RAD52: variants seen among roughly 807,000 people sequenced by gnomAD.
RAD52 encodes the protein RAD52 DNA repair protein, also known as DNA repair protein RAD52 homolog.
Under a neutral mutation model 55.5 loss-of-function variants are expected in RAD52, and 47 were observed. That is an observed-to-expected ratio of 0.85 (90% CI 0.67 to 1.08). The LOEUF is 1.08. Ranked by LOEUF, RAD52 falls within the 50% of genes least tolerant of loss-of-function variation. The probability of loss-of-function intolerance (pLI) is 0.00; values close to 1 mark genes in which losing one functional copy is unlikely to be tolerated. For missense variants in RAD52, 468 were observed against 522.8 expected (o/e 0.90, Z 1.02); for synonymous variants, 184 against 198.9 (o/e 0.92, Z 0.63).
chr12:927,120 G>A (rs766957708), intron 6 of RAD52, 25 bp downstream of exon 6: 5 of 1,598,926 alleles, frequency 3.1e-6, no homozygotes, highest in Admixed American at 3.3e-5. Context: ...AATGACGCAG[G>A]TTAGACTCCC....
At chr12:941,974 A>G (rs1957945399) in intron 1 of RAD52, among the ~76,000 whole-genome samples, 1 of 152,136 alleles carries the variant, frequency 6.6e-6, no homozygotes, top group South Asian at 2.1e-4. Context: ...AAGAAGGAAA[A>G]TGCACCAAGT....
At chr12:922,832 TTTATTA>T (rs1565657033) in intron 7 of RAD52, among the ~76,000 whole-genome samples, 1 of 151,882 alleles carries the variant, frequency 6.6e-6, no homozygotes, top group Non-Finnish European at 1.5e-5. Flanking sequence ...ATTTTTATAT[TTTATTA>T]TTATTATTTT....
chr12:926,575 C>G lies in RAD52; in HGVS notation c.467+570G>C, dbSNP rs1394971867. Among the ~76,000 whole-genome samples, 6 of 152,274 alleles carry G rather than the reference C, an allele frequency of 3.9e-5. No homozygotes were observed. The East Asian group carries it at 1.2e-3, about 29-fold the overall frequency. Reference sequence around the variant, plus strand: ...CTTCCTTCTCTCTCTTGCTCCCTCTCTCTCCACGTTCCCTCTTCACCTTCT... The same window carrying G: ...CTTCCTTCTCTCTCTTGCTCCCTCTGTCTCCACGTTCCCTCTTCACCTTCT... On this transcript the variant is annotated intron_variant, in intron 6 of 11. Coordinates refer to ENST00000358495, the MANE Select transcript of RAD52 (RefSeq NM_134424.4).
chr12:985,182 C>A (rs550996081), intron 1 of RAD52, among the ~76,000 whole-genome samples: 2 of 152,260 alleles, frequency 1.3e-5, no homozygotes, highest in African/African-American at 4.8e-5. Flanking sequence ...GGTCTGTCAC[C>A]TAGGCTAAAG....
At chr12:916,215 G>T in intron 9 of RAD52, 129 bp downstream of exon 9, 1 of 1,481,806 alleles carries the variant, frequency 6.7e-7, no homozygotes, top group South Asian at 1.4e-5. Context: ...CCTGCGTGTA[G>T]CTTGAGAGAA....
intron 1 of RAD52, among the ~76,000 whole-genome samples, chr12:936,430 T>C (rs1957633750): frequency 6.6e-6 from 1 of 150,956 alleles, no homozygotes; most frequent in Admixed American, 6.6e-5. Context: ...AAAGATGTCT[T>C]ACTATTCTGC....
chr12:966,683 A>G (rs528644078), intron 1 of RAD52, among the ~76,000 whole-genome samples: 1 of 151,638 alleles, frequency 6.6e-6, no homozygotes, highest in African/African-American at 2.4e-5. Flanking sequence ...ATGATTATGG[A>G]GCACTTACAA....
intron 5 of RAD52, 125 bp from the exon 6 acceptor site, chr12:927,388 C>T (rs942420556): frequency 2.1e-5 from 15 of 723,558 alleles, no homozygotes; most frequent in African/African-American, 5.2e-5. Flanking sequence ...TACAGGGGCA[C>T]GGGCAGAAGG....
At chr12:953,129 AC>A (rs1958558422), upstream of RAD52, among the ~76,000 whole-genome samples, 1 of 148,992 alleles carries the variant, frequency 6.7e-6, no homozygotes, top group African/African-American at 2.5e-5. Flanking sequence ...GCATGTTGAA[AC>A]CCCGTCTTTA....
chr12:944,171 A>T (rs953564868), intron 1 of RAD52, among the ~76,000 whole-genome samples: 2 of 151,922 alleles, frequency 1.3e-5, no homozygotes, highest in African/African-American at 4.8e-5. Flanking sequence ...AGAAGAGATC[A>T]CCCCACTGCA....
intron 7 of RAD52, among the ~76,000 whole-genome samples, chr12:925,111 C>G (rs200103636): frequency 6.6e-6 from 1 of 151,942 alleles, no homozygotes; most frequent in Non-Finnish European, 1.5e-5. Flanking sequence ...CCACCTCGCC[C>G]GGCTAATTTT....
chr12:954,777 T>G (rs146578654), intron 1 of RAD52, among the ~76,000 whole-genome samples: 55 of 152,374 alleles, frequency 3.6e-4, no homozygotes, highest in Non-Finnish European at 3.7e-4. Flanking sequence ...AAATTAAGCC[T>G]TGATAGAGTA....
At chr12:967,318 G>A (rs1178426861) in intron 1 of RAD52, among the ~76,000 whole-genome samples, 3 of 150,510 alleles carry the variant, frequency 2.0e-5, no homozygotes, top group Non-Finnish European at 4.4e-5. Flanking sequence ...GACGGAGGTT[G>A]TAGTGAGCTG....
In RAD52 at chr12:967,884, C is replaced by T. The variant is rs193197396; in HGVS notation, c.-19+21925G>A. Among the ~76,000 whole-genome samples the T allele has an allele frequency of 4.8e-3, 734 of 152,106 alleles. 15 individuals are homozygous for T. Among genetic ancestry groups the T allele is most frequent in the African/African-American group, 0.017 (696 of 41,414 alleles). Reference sequence around the variant, plus strand: ...CCAGGAGGGGGAGGTTGCAGTGAGCCGAGATCGCACCTCTGCTCTCCAGCC... The same window carrying T: ...CCAGGAGGGGGAGGTTGCAGTGAGCTGAGATCGCACCTCTGCTCTCCAGCC... On this transcript the variant is annotated intron_variant, in intron 1 of 11. Transcript: ENST00000430095.
At chr12:925,011 T>C (rs944946329) in intron 7 of RAD52, among the ~76,000 whole-genome samples, 9 of 147,784 alleles carry the variant, frequency 6.1e-5, no homozygotes, top group Non-Finnish European at 8.9e-5. Context: ...AGTGCAGTGG[T>C]GCCATCTCGG....
At chr12:943,723 G>C (rs1958039907) in intron 1 of RAD52, among the ~76,000 whole-genome samples, 1 of 151,254 alleles carries the variant, frequency 6.6e-6, no homozygotes, top group Admixed American at 6.6e-5. Context: ...CATTTTCTTA[G>C]AGTAGTCTGT....
At chr12:988,205 A>G (rs1959112035) in intron 1 of RAD52, among the ~76,000 whole-genome samples, 1 of 152,196 alleles carries the variant, frequency 6.6e-6, no homozygotes, top group Non-Finnish European at 1.5e-5. Context: ...ATTTTCTTTA[A>G]AAGTTCAGTG....
intron 1 of RAD52, among the ~76,000 whole-genome samples, chr12:978,289 G>A (rs112335425): frequency 1.3e-5 from 2 of 151,676 alleles, no homozygotes; most frequent in East Asian, 1.9e-4. Context: ...TCCTGACCTC[G>A]TGATCTGCCC....
chr12:975,205 A>AGC (rs1555183303), intron 1 of RAD52: 2 of 147,652 alleles, frequency 1.4e-5, no homozygotes, highest in South Asian at 2.2e-4. Flanking sequence ...ATCCACTGGG[A>AGC]GGGGGGTCCT....
Sources: allele counts gnomAD v4.1 joint callset (sites outside exome capture counted in the v4.1 genomes callset), GRCh38; gene constraint gnomAD v4.1.1; transcripts MANE v1.5; gene names NCBI Gene and HGNC (gene_info 2026-07-23, HGNC 2026-07-21).